Variants in AVEN observed in about 807,000 individuals in gnomAD.
The protein encoded by AVEN is cell death regulator Aven.
A neutral mutation model predicts 38.1 loss-of-function variants in AVEN; 41 were observed. That is an observed-to-expected ratio of 1.08 (90% CI 0.84 to 1.40). The LOEUF is 1.40. Among genes scored for constraint, AVEN ranks in the 40% most tolerant of loss-of-function variants. AVEN has a pLI of 0.00. For missense variants in AVEN, 605 were observed against 438.8 expected, an observed-to-expected ratio of 1.38 and a Z score of -3.38; for synonymous variants, 206 against 171.8, an observed-to-expected ratio of 1.20 and a Z score of -1.56.
Position 34,039,068 on chromosome 15 carries a change from G to C in AVEN, c.-22C>G. The stretch of plus-strand genomic sequence containing the variant: ...GCATCTGGCCGCCGCTGGCGGTGCT[G>C]AGCGCGCGGGAGCCGAGCTGCGGCG... On this transcript the variant is annotated 5_prime_UTR_variant, in exon 1 of 6. Transcript: ENST00000306730. 1 of 1,086,720 alleles carries C rather than the reference G, an allele frequency of 9.2e-7. No individual in the cohort carries two copies. Among genetic ancestry groups the C allele is most frequent in the Non-Finnish European group, 1.1e-6 (1 of 896,116 alleles). The allele number at this position is 1,086,720 out of a possible 1,614,324, so 67.3% of individuals were successfully genotyped here.
In AVEN at chr15:33,935,273, G is replaced by A. The variant is rs552709176; in HGVS notation, c.446-59278C>T. 7.2e-5 allele frequency among the ~76,000 whole-genome samples: 11 copies of A among 152,234 alleles called. No individual in the cohort carries two copies. In the East Asian group the frequency reaches 2.1e-3, roughly 29 times the overall value. ...TCGAGGCATCTCAGGCCTTTTTCTA[G>A]GACTCTATCACACAAAAATGCTAGC... On this transcript the variant is annotated intron_variant, in intron 2 of 5. Coordinates refer to ENST00000306730, the MANE Select transcript of AVEN (RefSeq NM_020371.3).
chr15:34,022,870 G>T (rs145502317), intron 1 of AVEN, among the ~76,000 whole-genome samples: 1 of 152,318 alleles, frequency 6.6e-6, no homozygotes, highest in Non-Finnish European at 1.5e-5. Flanking sequence ...CTGAAAGCTT[G>T]CCTTTGGCTC....
At chr15:34,043,202 A>G (rs529387653), upstream of AVEN, among the ~76,000 whole-genome samples, 209 of 151,424 alleles carry the variant, frequency 1.4e-3, 1 homozygote, top group Middle Eastern at 6.8e-3. Flanking sequence ...AGCCGAGATC[A>G]CACCACTGCA....
intron 11 of AVEN, among the ~76,000 whole-genome samples, chr15:33,859,403 C>T (rs1204692214): frequency 2.6e-5 from 4 of 152,108 alleles, no homozygotes; most frequent in Admixed American, 1.3e-4. Context: ...TCAAACTGTC[C>T]AGAGGGTGCA....
intron 2 of AVEN, among the ~76,000 whole-genome samples, chr15:33,920,674 A>G (rs1257980063): frequency 1.3e-5 from 2 of 152,254 alleles, no homozygotes; most frequent in Non-Finnish European, 2.9e-5. Flanking sequence ...TGTGCTCTTA[A>G]GGACAAGGGC....
intron 1 of AVEN, among the ~76,000 whole-genome samples, chr15:34,023,530 C>G (rs1384483239): frequency 6.6e-6 from 1 of 152,200 alleles, no homozygotes; most frequent in Non-Finnish European, 1.5e-5. Flanking sequence ...GTCATTCATT[C>G]TTGCAAAACC....
intron 1 of AVEN, among the ~76,000 whole-genome samples, chr15:34,036,212 AT>A (rs1270765860): frequency 1.3e-5 from 2 of 152,066 alleles, no homozygotes; most frequent in African/African-American, 4.8e-5. Flanking sequence ...AGCTCAGACC[AT>A]TTACAGAAGG....
intron 2 of AVEN, among the ~76,000 whole-genome samples, chr15:33,931,295 A>T (rs1893832767): frequency 6.6e-6 from 1 of 151,686 alleles, no homozygotes; most frequent in Non-Finnish European, 1.5e-5. Flanking sequence ...CCATCAAATT[A>T]AGGGACCTTT....
At chr15:34,065,188 C>G (rs776128945) in intron 4 of AVEN, 1 of 153,482 alleles carries the variant, frequency 6.5e-6, no homozygotes, top group East Asian at 1.9e-4. Flanking sequence ...TTTATTTATG[C>G]TCTGTTCTTA....
At chr15:33,948,245 C>A (rs984409187) in intron 2 of AVEN, among the ~76,000 whole-genome samples, 1 of 151,878 alleles carries the variant, frequency 6.6e-6, no homozygotes, top group Non-Finnish European at 1.5e-5. Flanking sequence ...TACAGGCACC[C>A]GCCACCACGC....
chr15:33,889,392 G>A (rs1256658487), intron 2 of AVEN, among the ~76,000 whole-genome samples: 1 of 152,156 alleles, frequency 6.6e-6, no homozygotes, highest in Admixed American at 6.5e-5. Context: ...TCTCCCCACT[G>A]TTGGCTTGTG....
upstream of AVEN, among the ~76,000 whole-genome samples, chr15:34,041,287 C>T (rs1262929755): frequency 6.6e-6 from 1 of 152,146 alleles, no homozygotes; most frequent in Non-Finnish European, 1.5e-5. Context: ...ACCACTAGCA[C>T]AGATAGATTG....
chr15:34,039,170 G>C lies in AVEN; in HGVS notation c.-124C>G, dbSNP rs1899340887. The C allele has an allele frequency of 1.2e-6, 1 of 839,160 alleles. No individual in the cohort carries two copies. The highest frequency in any genetic ancestry group is 1.5e-6 in the Non-Finnish European group (1 of 686,818). The allele number at this position is 839,160 out of a possible 1,614,324, so 52.0% of individuals were successfully genotyped here. A position where few individuals can be genotyped will look rare whatever the true frequency, so the allele number is the denominator to read the frequency against. Reference sequence around the variant, plus strand: ...AAGGCGCCCGGTAGCAGCGAGGCGCGGGGTGCGGGGCTAGGGATCGAGGCC... The same window carrying C: ...AAGGCGCCCGGTAGCAGCGAGGCGCCGGGTGCGGGGCTAGGGATCGAGGCC... On this transcript the variant is annotated 5_prime_UTR_variant, in exon 1 of 6. Coordinates refer to ENST00000306730, the MANE Select transcript of AVEN (RefSeq NM_020371.3).
chr15:33,904,676 T>C (rs1323661764), intron 2 of AVEN, among the ~76,000 whole-genome samples: 1 of 84,074 alleles, frequency 1.2e-5, no homozygotes, highest in Non-Finnish European at 2.5e-5. Flanking sequence ...GCCGAGACTG[T>C]TTCTTTAAAA....
At chr15:33,984,721 TATGAG>T (rs1335847578) in intron 2 of AVEN, among the ~76,000 whole-genome samples, 21 of 152,126 alleles carry the variant, frequency 1.4e-4, no homozygotes, top group African/African-American at 4.8e-4. Flanking sequence ...TAGGTTTCTA[TATGAG>T]TTGCTTTTCA....
chr15:34,073,578 C>G (rs1402003953), intron 1 of AVEN, among the ~76,000 whole-genome samples: 1 of 137,714 alleles, frequency 7.3e-6, no homozygotes, highest in Non-Finnish European at 1.5e-5. Flanking sequence ...TGGAGTGCAA[C>G]GGCATGATCT....
chr15:33,940,938 GCTTCCTAAT>G (rs1894297319), intron 2 of AVEN, among the ~76,000 whole-genome samples: 1 of 152,172 alleles, frequency 6.6e-6, no homozygotes, highest in South Asian at 2.1e-4. Flanking sequence ...TGCTCTAAAT[GCTTCCTAAT>G]CCATTGTTCC....
At chr15:33,958,768 T>C (rs1895058016) in intron 2 of AVEN, among the ~76,000 whole-genome samples, 1 of 152,210 alleles carries the variant, frequency 6.6e-6, no homozygotes, top group African/African-American at 2.4e-5. Flanking sequence ...TTGTTTATTT[T>C]ACCTGGTCTG....
chr15:33,979,659 C>G (rs139206442), intron 2 of AVEN, among the ~76,000 whole-genome samples: 319 of 152,224 alleles, frequency 2.1e-3, no homozygotes, highest in African/African-American at 7.1e-3. Flanking sequence ...TATCTGTTTT[C>G]AGAATGAACA....
Sources: gnomAD v4.1 joint callset for allele counts (sites outside exome capture counted in the v4.1 genomes callset) on GRCh38, gnomAD v4.1.1 for gene constraint, MANE v1.5 for transcripts, NCBI Gene and HGNC (gene_info 2026-07-23, HGNC 2026-07-21) for gene names.